The following SLC4A10 variants were observed in gnomAD, a reference collection of about 807,000 sequenced individuals.
SLC4A10 encodes the protein solute carrier family 4 member 10, also known as sodium-driven chloride bicarbonate exchanger.
In SLC4A10, 42 loss-of-function variants were observed where a neutral mutation model predicts 137.7. The observed-to-expected ratio is 0.30, with a 90% CI of 0.24 to 0.39. The LOEUF is 0.39. SLC4A10 is among the 10% of genes least tolerant of loss of function. The pLI is 1.00. For synonymous variants in SLC4A10, 474 were observed against 464.1 expected, an observed-to-expected ratio of 1.02 and a Z score of -0.27; for missense variants, 925 against 1,355.0, an observed-to-expected ratio of 0.68 and a Z score of 4.98.
intron 2 of SLC4A10, among the ~76,000 whole-genome samples, chr2:161,791,904 A>T (rs1191991732): frequency 6.6e-6 from 1 of 152,186 alleles, no homozygotes; most frequent in Non-Finnish European, 1.5e-5. Context: ...TTGACAGTTT[A>T]CAAGTACTTG....
chr2:161,740,992 C>G (rs1029617198), intron 1 of SLC4A10, among the ~76,000 whole-genome samples: 2 of 152,064 alleles, frequency 1.3e-5, no homozygotes, highest in Non-Finnish European at 2.9e-5. Context: ...GCAAAAGCAC[C>G]TAAACGGCCA....
intron 1 of SLC4A10, among the ~76,000 whole-genome samples, chr2:161,644,850 A>G (rs2035812410): frequency 6.6e-6 from 1 of 152,232 alleles, no homozygotes; most frequent in African/African-American, 2.4e-5. Context: ...CAAGTAAAAG[A>G]AACACACAAA....
chr2:161,653,066 T>C (rs922502648), intron 1 of SLC4A10, among the ~76,000 whole-genome samples: 3 of 152,130 alleles, frequency 2.0e-5, no homozygotes, highest in African/African-American at 7.2e-5. Context: ...GTTTTCTCAT[T>C]GTTCAACTCC....
intron 4 of SLC4A10, among the ~76,000 whole-genome samples, chr2:161,853,658 C>T (rs937354314): frequency 1.3e-5 from 2 of 152,084 alleles, no homozygotes; most frequent in Non-Finnish European, 2.9e-5. Context: ...TCTGTGTAGA[C>T]AAAAATGTTC....
intron 3 of SLC4A10, among the ~76,000 whole-genome samples, chr2:161,831,969 C>A (rs1403832799): frequency 6.6e-6 from 1 of 152,098 alleles, no homozygotes; most frequent in East Asian, 1.9e-4. Context: ...TCTGTCTTTA[C>A]AAGTATGTTT....
intron 3 of SLC4A10, among the ~76,000 whole-genome samples, chr2:161,824,547 A>G (rs1257310234): frequency 1.3e-5 from 2 of 152,210 alleles, no homozygotes; most frequent in African/African-American, 4.8e-5. Context: ...CAGCAAACAG[A>G]AACCATGTCA....
intron 3 of SLC4A10, among the ~76,000 whole-genome samples, chr2:161,817,584 G>C (rs1284434141): frequency 6.6e-6 from 1 of 151,968 alleles, no homozygotes; most frequent in Non-Finnish European, 1.5e-5. Context: ...GTATTGCCTA[G>C]GTTTTCTTCT....
intron 1 of SLC4A10, among the ~76,000 whole-genome samples, chr2:161,648,088 G>GA (rs2105549554): frequency 6.6e-6 from 1 of 152,156 alleles, no homozygotes; most frequent in Non-Finnish European, 1.5e-5. Context: ...TTATTTTCAA[G>GA]AAAAAATTTT....
chr2:161,815,669 A>C (rs1443278932), intron 3 of SLC4A10, among the ~76,000 whole-genome samples: 1 of 152,192 alleles, frequency 6.6e-6, no homozygotes, highest in Non-Finnish European at 1.5e-5. Flanking sequence ...GCTAGGCTTC[A>C]ACCTCAAGGA....
At chr2:161,897,280 C>T (rs150667721) in intron 11 of SLC4A10, among the ~76,000 whole-genome samples, 221 of 152,160 alleles carry the variant, frequency 1.5e-3, no homozygotes, top group African/African-American at 5.1e-3. Context: ...ATTTGTTAAG[C>T]TCACTCCTCA....
Position 161,862,857 on chromosome 2 carries a change from CG to C in SLC4A10, c.578-15del, listed in dbSNP as rs1559410742. On this transcript the variant is annotated splice_polypyrimidine_tract_variant and intron_variant, in intron 5 of 26. Transcript: ENST00000446997. ...GAGGAAAGCTGTGCTTATCTTCTTC[CG>C]GCCTTTTCTCTTCAGATATGGTTCT... The C allele has an allele frequency of 6.5e-7, 1 of 1,548,476 alleles. No homozygotes were observed.
chr2:161,904,516 T>C (rs1575565406), intron 13 of SLC4A10, among the ~76,000 whole-genome samples: 1 of 152,214 alleles, frequency 6.6e-6, no homozygotes, highest in African/African-American at 2.4e-5. Flanking sequence ...ACACTAATCC[T>C]GAATACATTT....
At chr2:161,950,653 G>A in intron 18 of SLC4A10, 34 bp from the exon 19 acceptor site, 4 of 1,557,466 alleles carry the variant, frequency 2.6e-6, no homozygotes, top group Non-Finnish European at 3.5e-6. Context: ...CATTAATCCA[G>A]TTCATAACTA....
At chr2:161,966,269 A>C (rs11901687) in intron 23 of SLC4A10, among the ~76,000 whole-genome samples, 14,747 of 152,156 alleles carry the variant, frequency 0.097, 1,570 homozygotes, top group East Asian at 0.25. Context: ...CCACAGATAG[A>C]GATTCATCAT....
intron 23 of SLC4A10, among the ~76,000 whole-genome samples, chr2:161,971,983 A>G (rs953479458): frequency 2.0e-5 from 3 of 152,202 alleles, no homozygotes; most frequent in Non-Finnish European, 4.4e-5. Flanking sequence ...GCTTTGGTCC[A>G]ATTTTTTGCT....
intron 8 of SLC4A10, among the ~76,000 whole-genome samples, chr2:161,878,220 G>T (rs2125952153): frequency 6.6e-6 from 1 of 152,102 alleles, no homozygotes; most frequent in East Asian, 1.9e-4. Flanking sequence ...CAGAGCATAA[G>T]ATCAATTACT....
chr2:161,825,098 C>T (rs1395287539), intron 3 of SLC4A10, among the ~76,000 whole-genome samples: 2 of 152,078 alleles, frequency 1.3e-5, no homozygotes, highest in African/African-American at 4.8e-5. Context: ...ACATAATATA[C>T]ACATTATGTG....
At chr2:161,758,979 G>A (rs996862089) in intron 1 of SLC4A10, among the ~76,000 whole-genome samples, 1 of 151,764 alleles carries the variant, frequency 6.6e-6, no homozygotes, top group African/African-American at 2.4e-5. Flanking sequence ...AAATAAAAAG[G>A]ATCTAACAAT....
intron 15 of SLC4A10, among the ~76,000 whole-genome samples, chr2:161,937,388 A>G (rs1691768677): frequency 1.3e-5 from 2 of 152,152 alleles, no homozygotes; most frequent in South Asian, 2.1e-4. Flanking sequence ...TCCATACCCC[A>G]TCTCTTCCTC....
Sources: gnomAD v4.1 joint callset for allele counts (sites outside exome capture counted in the v4.1 genomes callset) on GRCh38, gnomAD v4.1.1 for gene constraint, MANE v1.5 for transcripts, NCBI Gene and HGNC (gene_info 2026-07-23, HGNC 2026-07-21) for gene names.